Variants in PHF24 observed in about 807,000 individuals in gnomAD.
The protein encoded by PHF24 is Galpha inhibitory interacting protein.
Under a neutral mutation model 42.6 loss-of-function variants are expected in PHF24, and 25 were observed. That is an observed-to-expected ratio of 0.59 (90% CI 0.43 to 0.82). The LOEUF is 0.82. Among genes scored for constraint, PHF24 ranks in the 40% least tolerant of loss-of-function variants. PHF24 has a pLI of 0.00. For missense variants in PHF24, 470 were observed against 538.1 expected, an observed-to-expected ratio of 0.87 and a Z score of 1.25; for synonymous variants, 185 against 204.8, an observed-to-expected ratio of 0.90 and a Z score of 0.83.
At chr9:34,671,522 A>G in the PHF24 span, among the ~76,000 whole-genome samples, 3 of 152,178 alleles carry the variant, frequency 2.0e-5, no homozygotes, top group African/African-American at 7.2e-5. Context: ...CCCCAGGGCA[A>G]TGTGAATTCC....
chr9:34,776,690 T>C, the PHF24 span, among the ~76,000 whole-genome samples: 1 of 152,236 alleles, frequency 6.6e-6, no homozygotes, highest in Non-Finnish European at 1.5e-5. Flanking sequence ...TTCTGAGATC[T>C]TGTGAATTTC....
the PHF24 span, among the ~76,000 whole-genome samples, chr9:34,856,635 G>A: frequency 6.6e-6 from 1 of 152,226 alleles, no homozygotes; most frequent in Non-Finnish European, 1.5e-5. Flanking sequence ...CAGCAAAGAT[G>A]GCAGCCTGCT....
chr9:34,832,115 T>G, the PHF24 span, among the ~76,000 whole-genome samples: 1 of 152,164 alleles, frequency 6.6e-6, no homozygotes, highest in South Asian at 2.1e-4. Flanking sequence ...GGGCAACGTA[T>G]TGCTGAAACA....
At chr9:34,929,914 C>G in the PHF24 span, among the ~76,000 whole-genome samples, 6 of 152,198 alleles carry the variant, frequency 3.9e-5, no homozygotes, top group Non-Finnish European at 1.5e-5. Context: ...CATTGTAACC[C>G]TTTCAGAGAA....
At chr9:34,824,825 C>A in the PHF24 span, among the ~76,000 whole-genome samples, 1 of 152,142 alleles carries the variant, frequency 6.6e-6, no homozygotes, top group African/African-American at 2.4e-5. Context: ...GGAAGGTAGG[C>A]ATTAAGCTGC....
At chr9:34,758,735 A>G in the PHF24 span, among the ~76,000 whole-genome samples, 43 of 152,194 alleles carry the variant, frequency 2.8e-4, no homozygotes, top group African/African-American at 9.6e-4. The surrounding 1 kb of genome is among the most constrained non-coding windows in gnomAD (Gnocchi z 4.4). Context: ...TTGCTCTTCT[A>G]ATGCAGGGCA....
the PHF24 span, among the ~76,000 whole-genome samples, chr9:34,792,504 C>CCA: frequency 6.6e-6 from 1 of 152,142 alleles, no homozygotes; most frequent in Non-Finnish European, 1.5e-5. Context: ...AATCCTGTCT[C>CCA]TACTAAAAAT....
the PHF24 span, among the ~76,000 whole-genome samples, chr9:34,846,584 G>A: frequency 3.3e-5 from 5 of 151,248 alleles, no homozygotes; most frequent in African/African-American, 1.2e-4. Context: ...CTTTTGCTGT[G>A]CAGAAGCTCT....
the PHF24 span, among the ~76,000 whole-genome samples, chr9:34,730,660 T>C: frequency 6.6e-6 from 1 of 152,274 alleles, no homozygotes; most frequent in South Asian, 2.1e-4. Flanking sequence ...AATAGACTTA[T>C]ATACTCATTC....
At chr9:34,976,779 G>A (rs1827204619) in intron 5 of PHF24, 39 bp downstream of exon 5, 1 of 1,579,168 alleles carries the variant, frequency 6.3e-7, no homozygotes, top group Non-Finnish European at 8.7e-7. Flanking sequence ...GGGATACTGG[G>A]TGACAAGGGC....
At chr9:34,976,401 G>C (rs968394254) in intron 4 of PHF24, 134 bp from the exon 5 acceptor site, 1 of 1,075,004 alleles carries the variant, frequency 9.3e-7, no homozygotes, top group Admixed American at 2.1e-5. Flanking sequence ...CACAGCCTGG[G>C]TGACCCTGGC....
the PHF24 span, among the ~76,000 whole-genome samples, chr9:34,930,696 A>G: frequency 1.3e-5 from 2 of 152,212 alleles, no homozygotes; most frequent in Non-Finnish European, 2.9e-5. Flanking sequence ...GAAGCTAACA[A>G]ACTTCTCAGA....
chr9:34,719,585 CA>C, the PHF24 span, among the ~76,000 whole-genome samples: 1 of 152,224 alleles, frequency 6.6e-6, no homozygotes, highest in African/African-American at 2.4e-5. Context: ...CCAGTTCTGT[CA>C]TGGGACTTTA....
chr9:34,851,150 A>G, the PHF24 span, among the ~76,000 whole-genome samples: 34 of 152,034 alleles, frequency 2.2e-4, no homozygotes, highest in Admixed American at 3.3e-4. Context: ...AAGGACATTT[A>G]AGTCTGCAGA....
At chr9:34,789,142 T>A in the PHF24 span, among the ~76,000 whole-genome samples, 143,113 of 152,156 alleles carry the variant, frequency 0.94, 67,665 homozygotes, top group Non-Finnish European at 0.99. Flanking sequence ...CTTAAGGCAG[T>A]AGTGGAAAAA....
exon 6 of PHF24, chr9:34,977,233 T>G (rs1827226752): frequency 6.2e-7 from 1 of 1,608,520 alleles, no homozygotes; most frequent in Non-Finnish European, 8.5e-7. Context: ...GGCTCCTTCC[T>G]GCAGTGTCAG....
At chr9:34,721,677 C>T in the PHF24 span, among the ~76,000 whole-genome samples, 3 of 152,166 alleles carry the variant, frequency 2.0e-5, no homozygotes, top group Non-Finnish European at 4.4e-5. Flanking sequence ...TCCCAAAGTG[C>T]CAGGATTACA....
At chr9:34,937,039 C>CGCGCCGGGCCAGCCG in the PHF24 span, among the ~76,000 whole-genome samples, 9 of 148,922 alleles carry the variant, frequency 6.0e-5, 2 homozygotes, top group East Asian at 2.0e-4. Context: ...GGTCAGCCCC[C>CGCGCCGGGCCAGCCG]CCCCCGGGCC....
At chr9:34,951,558 G>C in the PHF24 span, among the ~76,000 whole-genome samples, 2 of 152,154 alleles carry the variant, frequency 1.3e-5, no homozygotes, top group African/African-American at 4.8e-5. Context: ...TAATACAGGT[G>C]GCCTCTAGAA....
Sources: gnomAD v4.1 joint callset for allele counts (sites outside exome capture counted in the v4.1 genomes callset) on GRCh38, gnomAD v4.1.1 for gene constraint, Gnocchi (gnomAD v3.1) non-coding constraint, MANE v1.5 for transcripts, NCBI Gene and HGNC (gene_info 2026-07-23, HGNC 2026-07-21) for gene names.